The following PXDC1 variants were observed in gnomAD, a reference collection of about 807,000 sequenced individuals.
PXDC1 encodes the protein PX domain containing 1, also known as PX domain-containing protein 1.
PXDC1 carries 13 observed loss-of-function variants against 24.4 expected under a neutral mutation model. The observed-to-expected ratio is 0.53, with a 90% CI of 0.35 to 0.85. PXDC1 has a LOEUF of 0.85. Among genes scored for constraint, PXDC1 ranks in the 40% least tolerant of loss-of-function variants. The probability of loss-of-function intolerance (pLI) is 0.01; values close to 1 mark genes in which losing one functional copy is unlikely to be tolerated. For synonymous variants in PXDC1, 162 were observed against 124.9 expected, an observed-to-expected ratio of 1.30 and a Z score of -1.98; for missense variants, 344 against 309.3, an observed-to-expected ratio of 1.11 and a Z score of -0.84.
In PXDC1 at chr6:3,724,598, G is replaced by T. The variant is rs548641363; in HGVS notation, c.579-862C>A. ...TGAATCAGCCCAAACCCAGCAGGCC[G>T]CGTGGGAGTGTGGACAGAGGCAAGC... On this transcript the variant is annotated intron_variant, in intron 4 of 4. Coordinates refer to ENST00000380283, the MANE Select transcript of PXDC1 (RefSeq NM_183373.4). The surrounding 1 kb of genome is among the most constrained non-coding windows in gnomAD (Gnocchi z 4.5). Among the ~76,000 whole-genome samples the T allele has an allele frequency of 2.3e-4, 35 of 152,282 alleles. No homozygotes were observed. Among genetic ancestry groups the T allele is most frequent in the African/African-American group, 8.2e-4 (34 of 41,558 alleles).
At position 3,726,390 on chromosome 6, in the gene PXDC1, G is replaced by A. The variant is rs139013595; in HGVS notation, c.578+1161C>T. On this transcript the variant is annotated intron_variant, in intron 4 of 4. Coordinates refer to ENST00000380283, the MANE Select transcript of PXDC1 (RefSeq NM_183373.4). ...CAAGGGACACAAAAGGGCAAGGCAG[G>A]TCAGGAAAGCTGCGGCCTTGGCCCC... Among the ~76,000 whole-genome samples, 106 of 152,390 alleles carry A rather than the reference G, an allele frequency of 7.0e-4. 2 individuals are homozygous for A. Among genetic ancestry groups the A allele is most frequent in the African/African-American group, 2.4e-3 (98 of 41,598 alleles).
At chr6:3,742,451 C>A (rs1760468583) in intron 1 of PXDC1, among the ~76,000 whole-genome samples, 2 of 152,196 alleles carry the variant, frequency 1.3e-5, no homozygotes, top group African/African-American at 4.8e-5. Flanking sequence ...GTTTCACTGC[C>A]TGAGATCGCA....
intron 3 of PXDC1, among the ~76,000 whole-genome samples, chr6:3,733,184 T>C (rs1044720044): frequency 1.4e-4 from 21 of 152,090 alleles, no homozygotes; most frequent in African/African-American, 4.1e-4. Context: ...AGTCCTCGGG[T>C]TCATATCCTG....
intron 3 of PXDC1, among the ~76,000 whole-genome samples, chr6:3,734,070 C>T (rs1158177988): frequency 6.6e-6 from 1 of 152,226 alleles, no homozygotes; most frequent in Non-Finnish European, 1.5e-5. Flanking sequence ...CACAGACAGC[C>T]GTGGCTGAAA....
chr6:3,724,541 G>A lies in PXDC1; in HGVS notation c.579-805C>T, dbSNP rs924081283. The stretch of plus-strand genomic sequence containing the variant: ...CATTCTCCCCAGGAAGGGGGACAGA[G>A]CTGTACGGCTCGTGGGATTTTCCTC... On this transcript the variant is annotated intron_variant, in intron 4 of 4. Coordinates refer to ENST00000380283, the MANE Select transcript of PXDC1 (RefSeq NM_183373.4). The surrounding 1 kb of genome is among the most constrained non-coding windows in gnomAD (Gnocchi z 4.5). Among the ~76,000 whole-genome samples, 23 of 152,232 alleles carry A rather than the reference G, an allele frequency of 1.5e-4. No homozygotes were observed. Among genetic ancestry groups the A allele is most frequent in the Middle Eastern group, 3.2e-3 (1 of 316 alleles).
chr6:3,743,724 T>G (rs752514308), intron 1 of PXDC1, among the ~76,000 whole-genome samples: 19 of 152,220 alleles, frequency 1.2e-4, no homozygotes, highest in Non-Finnish European at 2.5e-4. Context: ...ACTGACACGT[T>G]TCCACCTGTG....
rs1163317004 is a variant in PXDC1 at position 3,724,310 on chromosome 6, A to C, written c.579-574T>G. ...ATTCGCGCTCTGGCAGATGAGAAGC[A>C]TCCGAACATGGGGGACTTACATGGG... On this transcript the variant is annotated intron_variant, in intron 4 of 4. Coordinates refer to ENST00000380283, the MANE Select transcript of PXDC1 (RefSeq NM_183373.4). The surrounding 1 kb of genome is among the most constrained non-coding windows in gnomAD (Gnocchi z 4.5). Among the ~76,000 whole-genome samples, 1 of 152,130 alleles carries C rather than the reference A, an allele frequency of 6.6e-6. No homozygotes were observed. The highest frequency in any genetic ancestry group is 1.5e-5 in the Non-Finnish European group (1 of 68,030).
Position 3,737,299 on chromosome 6 carries a change from T to C in PXDC1, c.349-103A>G. The C allele has an allele frequency of 1.3e-6, 1 of 799,638 alleles. No homozygotes were observed. The highest frequency in any genetic ancestry group is 2.1e-6 in the Non-Finnish European group (1 of 470,612). The allele number at this position is 799,638 out of a possible 1,614,324, so 49.5% of individuals were successfully genotyped here. ...CGCTCCTCCGCAGAGGCAGCCTGTG[T>C]GATGCAAACGCCCCATGAATGTCCA... On this transcript the variant is annotated intron_variant, in intron 2 of 4. Transcript: ENST00000380283. This position sits in a 1 kb window ranked among gnomAD's most constrained non-coding sequence, Gnocchi z 5.5.
Position 3,737,247 on chromosome 6 carries a change from C to T in PXDC1, c.349-51G>A. The T allele has an allele frequency of 1.5e-6, 2 of 1,311,284 alleles. No individual in the cohort carries two copies. Among genetic ancestry groups the T allele is most frequent in the Non-Finnish European group, 2.2e-6 (2 of 906,536 alleles). The allele number at this position is 1,311,284 out of a possible 1,614,324, so 81.2% of individuals were successfully genotyped here. A position where few individuals can be genotyped will look rare whatever the true frequency, so the allele number is the denominator to read the frequency against. The stretch of plus-strand genomic sequence containing the variant: ...AAAACGATCAGCCTCTACACGTTGG[C>T]CCTGTCTGTCTACCAAGAGAGGGCC... On this transcript the variant is annotated intron_variant, in intron 2 of 4. Coordinates refer to ENST00000380283, the MANE Select transcript of PXDC1 (RefSeq NM_183373.4). The surrounding 1 kb of genome is among the most constrained non-coding windows in gnomAD (Gnocchi z 5.5).
At chr6:3,751,015 C>A in intron 1 of PXDC1, 3 of 447,914 alleles carry the variant, frequency 6.7e-6, no homozygotes. Flanking sequence ...GTCCGGCGCC[C>A]GCCCTGCCGG....
intron 1 of PXDC1, among the ~76,000 whole-genome samples, chr6:3,747,317 T>A (rs916342831): frequency 2.0e-5 from 3 of 152,156 alleles, no homozygotes; most frequent in African/African-American, 7.2e-5. Flanking sequence ...TTCTCCCACC[T>A]GCTCTGCTGC....
At chr6:3,750,849 G>C (rs1466576221) in intron 1 of PXDC1, among the ~76,000 whole-genome samples, 1 of 152,142 alleles carries the variant, frequency 6.6e-6, no homozygotes, top group Non-Finnish European at 1.5e-5. Context: ...CCCCGGCTCG[G>C]ACCCTGCAGT....
chr6:3,728,111 T>C lies in PXDC1; in HGVS notation c.467-449A>G, dbSNP rs1414118034. Among the ~76,000 whole-genome samples, 1 of 152,212 alleles carries C rather than the reference T, an allele frequency of 6.6e-6. No homozygotes were observed. The highest frequency in any genetic ancestry group is 1.5e-5 in the Non-Finnish European group (1 of 68,044). On this transcript the variant is annotated intron_variant, in intron 3 of 4. Transcript: ENST00000380283. This position sits in a 1 kb window ranked among gnomAD's most constrained non-coding sequence, Gnocchi z 4.0. ...AACAATATTGACTGCCCTGGGTTGT[T>C]GTTCTGACTGAATGAAATCAGTGTG...
intron 1 of PXDC1, among the ~76,000 whole-genome samples, chr6:3,745,254 G>A (rs181180251): frequency 2.0e-5 from 3 of 152,328 alleles, no homozygotes; most frequent in East Asian, 3.9e-4. Context: ...CCTGCCAAGC[G>A]GCTCGCTGCT....
At chr6:3,736,867 A>G (rs1476229875) in intron 3 of PXDC1, among the ~76,000 whole-genome samples, 1 of 152,190 alleles carries the variant, frequency 6.6e-6, no homozygotes, top group East Asian at 1.9e-4. Flanking sequence ...TGCCAAACAA[A>G]CCCCTGAGGA....
intron 4 of PXDC1, among the ~76,000 whole-genome samples, chr6:3,726,994 G>A (rs1397766107): frequency 6.6e-6 from 1 of 152,222 alleles, no homozygotes; most frequent in African/African-American, 2.4e-5. Context: ...GGGGACCCTG[G>A]TGCCCCCAGA....
rs545410162 is a variant in PXDC1 at position 3,750,611 on chromosome 6, G to A, written c.256+665C>T. Among the ~76,000 whole-genome samples the A allele has an allele frequency of 4.1e-3, 630 of 152,294 alleles. 1 individual carries two copies. The highest frequency in any genetic ancestry group is 6.8e-3 in the Middle Eastern group (2 of 294). On this transcript the variant is annotated intron_variant, in intron 1 of 4. Coordinates refer to ENST00000380283, the MANE Select transcript of PXDC1 (RefSeq NM_183373.4). ...GCGGTTTCTGAAAACAAGAATTCCC[G>A]CGAGCCAGGACGGTCACGAGGCCGG...
intron 4 of PXDC1, 53 bp from the exon 5 acceptor site, chr6:3,723,789 C>A: frequency 7.2e-7 from 1 of 1,387,072 alleles, no homozygotes; most frequent in Non-Finnish European, 1.0e-6. Flanking sequence ...GGATCAACAC[C>A]AAACACCCGC....
At chr6:3,739,975 C>A (rs1469386249) in intron 1 of PXDC1, among the ~76,000 whole-genome samples, 1 of 152,188 alleles carries the variant, frequency 6.6e-6, no homozygotes, top group Non-Finnish European at 1.5e-5. Context: ...CTCATTCCCA[C>A]AAAGTGCTTC....
Sources: gnomAD v4.1 joint callset for allele counts (sites outside exome capture counted in the v4.1 genomes callset) on GRCh38, gnomAD v4.1.1 for gene constraint, Gnocchi (gnomAD v3.1) non-coding constraint, MANE v1.5 for transcripts, NCBI Gene and HGNC (gene_info 2026-07-23, HGNC 2026-07-21) for gene names.